Variants in CELA1 observed in about 807,000 individuals in gnomAD.
The protein encoded by CELA1 is chymotrypsin like elastase 1.
Under a neutral mutation model 34.8 loss-of-function variants are expected in CELA1, and 28 were observed. The ratio of observed to expected loss-of-function variants is 0.80; its 90% CI spans 0.60 to 1.10. CELA1 has a LOEUF of 1.10. CELA1 is among the 50% of genes least tolerant of loss of function. The pLI, the probability that CELA1 is intolerant of heterozygous loss-of-function variation, is 0.00. For synonymous variants in CELA1, 140 were observed against 129.8 expected, an observed-to-expected ratio of 1.08 and a Z score of -0.53; for missense variants, 288 against 327.5, an observed-to-expected ratio of 0.88 and a Z score of 0.93.
intron 3 of CELA1, among the ~76,000 whole-genome samples, chr12:51,343,192 A>G (rs560435928): frequency 3.9e-5 from 6 of 152,294 alleles, no homozygotes; most frequent in African/African-American, 1.4e-4. Context: ...TTTTGAAGGA[A>G]GCATAGACTT....
chr12:51,333,075 G>A (rs1220554786), intron 6 of CELA1, among the ~76,000 whole-genome samples: 1 of 149,468 alleles, frequency 6.7e-6, no homozygotes, highest in Non-Finnish European at 1.5e-5. Flanking sequence ...GAGTATAGAT[G>A]TGTAGCCCCA....
intron 4 of CELA1, among the ~76,000 whole-genome samples, chr12:51,342,152 G>A (rs144236973): frequency 7.6e-4 from 115 of 151,790 alleles, no homozygotes; most frequent in African/African-American, 2.7e-3. Context: ...TGATTCTCCT[G>A]TAATCAAGCG....
In CELA1 at chr12:51,341,359, G is replaced by C. The variant is rs745708624; in HGVS notation, c.348C>G (p.Arg116=). The change falls in exon 5 of 8, where the codon CGC becomes CGG. Residue 116 remains arginine, a synonymous_variant. Transcript: ENST00000293636. The part of the protein sequence containing the change: ...VAAGYDIALL[R]LAQSVTLNSY... Reference sequence around the variant, plus strand: ...TATTGAGGGTAACGCTCTGGGCCAGGCGCAGCAGGGCGATGTCATAGCTGC... The same window carrying C: ...TATTGAGGGTAACGCTCTGGGCCAGCCGCAGCAGGGCGATGTCATAGCTGC... The C allele has an allele frequency of 5.0e-6, 8 of 1,614,056 alleles. No individual in the cohort carries two copies. In the African/African-American group the frequency reaches 9.3e-5, roughly 19 times the overall value.
chr12:51,331,715 T>A (rs982904908), intron 6 of CELA1, among the ~76,000 whole-genome samples: 2 of 152,160 alleles, frequency 1.3e-5, no homozygotes, highest in African/African-American at 4.8e-5. Context: ...CCATTAAGTA[T>A]CCCTCACAAC....
At chr12:51,343,394 A>G (rs912104174) in intron 3 of CELA1, among the ~76,000 whole-genome samples, 1 of 152,206 alleles carries the variant, frequency 6.6e-6, no homozygotes, top group Non-Finnish European at 1.5e-5. Flanking sequence ...ATTGCCCAAG[A>G]CAAATAGGAA....
chr12:51,332,637 G>A (rs1293577261), intron 6 of CELA1, among the ~76,000 whole-genome samples: 1 of 152,002 alleles, frequency 6.6e-6, no homozygotes, highest in Non-Finnish European at 1.5e-5. Context: ...AGCCGAGGTG[G>A]GTGGATCACG....
intron 4 of CELA1, among the ~76,000 whole-genome samples, chr12:51,341,792 C>T (rs891182820): frequency 4.0e-5 from 6 of 148,678 alleles, no homozygotes; most frequent in Admixed American, 4.0e-4. Flanking sequence ...ATAGAATTGA[C>T]CACCGTTTTA....
intron 5 of CELA1, among the ~76,000 whole-genome samples, chr12:51,340,577 T>C (rs573164057): frequency 5.9e-5 from 9 of 152,006 alleles, no homozygotes; most frequent in Admixed American, 2.6e-4. Context: ...TTAGTAGAGA[T>C]GGGGTTTCTC....
intron 4 of CELA1, among the ~76,000 whole-genome samples, chr12:51,342,246 G>C (rs1255872258): frequency 6.6e-6 from 1 of 152,110 alleles, no homozygotes; most frequent in Non-Finnish European, 1.5e-5. Context: ...TATTGGTCAG[G>C]CTGGTCTCAA....
At chr12:51,328,839 G>A (rs1946451537) in intron 7 of CELA1, among the ~76,000 whole-genome samples, 2 of 152,174 alleles carry the variant, frequency 1.3e-5, no homozygotes, top group African/African-American at 4.8e-5. Flanking sequence ...AATACACAAG[G>A]CTCCAGAATG....
intron 6 of CELA1, 35 bp from the exon 7 acceptor site, chr12:51,329,868 G>A: frequency 6.4e-7 from 1 of 1,563,540 alleles, no homozygotes; most frequent in Non-Finnish European, 8.7e-7. Flanking sequence ...TAAAACTCCA[G>A]ATCTTCGGGC....
At chr12:51,337,131 T>C (rs1946503180) in intron 6 of CELA1, among the ~76,000 whole-genome samples, 1 of 152,166 alleles carries the variant, frequency 6.6e-6, no homozygotes, top group Non-Finnish European at 1.5e-5. Flanking sequence ...TGGTAGCTTC[T>C]ATTCTAGCCC....
intron 1 of CELA1, among the ~76,000 whole-genome samples, chr12:51,346,293 G>A (rs990421515): frequency 7.3e-5 from 11 of 151,496 alleles, no homozygotes; most frequent in South Asian, 4.2e-4. Context: ...GGCACCTGCT[G>A]AGGAAGTCCT....
At chr12:51,334,456 C>G (rs939884025) in intron 6 of CELA1, among the ~76,000 whole-genome samples, 4 of 151,622 alleles carry the variant, frequency 2.6e-5, no homozygotes, top group Non-Finnish European at 5.9e-5. Flanking sequence ...TTCTTTGAGA[C>G]AGAGTCTTGC....
At chr12:51,345,393 CGTGTGT>C (rs149535487) in intron 2 of CELA1, among the ~76,000 whole-genome samples, 8 of 150,724 alleles carry the variant, frequency 5.3e-5, no homozygotes, top group African/African-American at 1.9e-4. Context: ...GCATGCTGTA[CGTGTGT>C]GTGTGTGTGT....
chr12:51,331,837 C>T (rs1385269573), intron 6 of CELA1, among the ~76,000 whole-genome samples: 2 of 151,978 alleles, frequency 1.3e-5, no homozygotes, highest in African/African-American at 4.8e-5. Context: ...CTATATTAAG[C>T]AAATGAAAAA....
chr12:51,335,534 G>A (rs570494369), intron 6 of CELA1, among the ~76,000 whole-genome samples: 7 of 152,056 alleles, frequency 4.6e-5, no homozygotes, highest in East Asian at 1.9e-4. Context: ...TATTACAGGC[G>A]GGAGCCACCG....
At chr12:51,345,936 G>T (rs749676963) in intron 1 of CELA1, 59 bp from the exon 2 acceptor site, 21 of 1,196,468 alleles carry the variant, frequency 1.8e-5, no homozygotes, top group Non-Finnish European at 2.5e-5. Flanking sequence ...CAGGGGTAGG[G>T]GTGGGGGGTG....
At chr12:51,333,204 C>T (rs1028418215) in intron 6 of CELA1, among the ~76,000 whole-genome samples, 50 of 151,784 alleles carry the variant, frequency 3.3e-4, no homozygotes, top group African/African-American at 1.1e-3. Flanking sequence ...AAGCAGTTCT[C>T]CTGCCTCAGC....
Sources: gnomAD v4.1 joint callset for allele counts (sites outside exome capture counted in the v4.1 genomes callset) on GRCh38, gnomAD v4.1.1 for gene constraint, MANE v1.5 for transcripts, NCBI Gene and HGNC (gene_info 2026-07-23, HGNC 2026-07-21) for gene names.